Variants in SHF observed in about 807,000 individuals in gnomAD.
SHF encodes Src homology 2 domain containing F.
A neutral mutation model predicts 42.4 loss-of-function variants in SHF; 30 were observed. That is an observed-to-expected ratio of 0.71 (90% confidence interval 0.53 to 0.96). The LOEUF is 0.96. Ranked by LOEUF, SHF falls within the 40% of genes least tolerant of loss-of-function variation. SHF has a pLI of 0.00. For synonymous variants in SHF, 264 were observed against 269.9 expected, an observed-to-expected ratio of 0.98 and a Z score of 0.21; for missense variants, 598 against 634.0, an observed-to-expected ratio of 0.94 and a Z score of 0.61.
At chr15:45,198,199 G>A (rs1220725840) in intron 2 of SHF, among the ~76,000 whole-genome samples, 1 of 152,042 alleles carries the variant, frequency 6.6e-6, no homozygotes, top group African/African-American at 2.4e-5. Flanking sequence ...GCTTGAACCC[G>A]GGAGGCGGAG....
At chr15:45,199,292 C>T (rs569877109) in intron 1 of SHF, among the ~76,000 whole-genome samples, 4 of 152,302 alleles carry the variant, frequency 2.6e-5, no homozygotes, top group African/African-American at 4.8e-5. Context: ...GTCACGGGGC[C>T]GCAGCAGGGA....
chr15:45,200,619 G>T (rs1567044384), intron 1 of SHF: 1 of 415,774 alleles, frequency 2.4e-6, no homozygotes, highest in East Asian at 7.1e-5. Flanking sequence ...CTGAGGGCAC[G>T]CAAGAGCATT....
At chr15:45,189,123 G>A (rs138824011), upstream of SHF, among the ~76,000 whole-genome samples, 3,063 of 150,766 alleles carry the variant, frequency 0.02, 136 homozygotes, top group African/African-American at 0.073. Flanking sequence ...AACCCAGGAG[G>A]CAGAGGTTGC....
chr15:45,171,836 C>T, intron 6 of SHF, 47 bp downstream of exon 6: 1 of 1,592,152 alleles, frequency 6.3e-7, no homozygotes, highest in South Asian at 1.1e-5. Flanking sequence ...CTGGAGTCCC[C>T]TTCCACCCTG....
At chr15:45,176,829 C>CCA (rs1897836560) in intron 2 of SHF, among the ~76,000 whole-genome samples, 1 of 152,216 alleles carries the variant, frequency 6.6e-6, no homozygotes, top group African/African-American at 2.4e-5. Flanking sequence ...TTCCTGGGTT[C>CCA]CACACCCTCT....
chr15:45,182,677 C>A (rs1898190851), intron 1 of SHF, among the ~76,000 whole-genome samples: 1 of 152,166 alleles, frequency 6.6e-6, no homozygotes, highest in South Asian at 2.1e-4. Flanking sequence ...CTAAGGAGTC[C>A]TGCAGCAAAG....
chr15:45,200,081 C>T (rs1289725610), intron 1 of SHF: 1 of 151,726 alleles, frequency 6.6e-6, no homozygotes, highest in African/African-American at 2.4e-5. Flanking sequence ...CCTTTAAGAG[C>T]TACCTTGATC....
Position 45,172,000 on chromosome 15 carries a change from C to A in SHF, c.1163G>T (p.Trp388Leu). Residue 388 changes from tryptophan (W) to leucine (L), a missense_variant and splice_region_variant, in exon 6 of 7, where the codon TGG becomes TTG. Trp to Leu is a moderately conservative substitution (Grantham distance 61, BLOSUM62 -2). Transcript: ENST00000690270. ...GGTTCGGCTGATGGCCCCGTGATACCAGCTAAGGATGAGAGAGAGGAAGGG... is the reference window on the plus strand; with the variant it reads ...GGTTCGGCTGATGGCCCCGTGATACAAGCTAAGGATGAGAGAGAGGAAGGG... Reference protein sequence around the residue: ...DPALPLENQVWYHGAISRTDA... With the variant: ...DPALPLENQVLYHGAISRTDA... 1 of 1,613,924 alleles carries A rather than the reference C, an allele frequency of 6.2e-7. No homozygotes were observed. The highest frequency in any genetic ancestry group is 1.1e-5 in the South Asian group (1 of 91,074).
chr15:45,191,916 CCT>C (rs973511174), upstream of SHF, among the ~76,000 whole-genome samples: 8 of 150,376 alleles, frequency 5.3e-5, no homozygotes, highest in African/African-American at 2.0e-4. Flanking sequence ...CGGTGGAAAC[CCT>C]GTCTCTATTT....
At chr15:45,179,602 G>C (rs1898016616) in intron 1 of SHF, among the ~76,000 whole-genome samples, 1 of 152,232 alleles carries the variant, frequency 6.6e-6, no homozygotes, top group Non-Finnish European at 1.5e-5. Flanking sequence ...GAGGACAATA[G>C]AACCTTTCTC....
In SHF at chr15:45,187,715, AGGGGGGCGGTAGTCGGGCTC is replaced by A; in HGVS notation, c.217_236del (p.Glu73CysfsTer75). 2.9e-6 allele frequency: 3 copies of A among 1,050,994 alleles called. No homozygotes were observed. The highest frequency in any genetic ancestry group is 3.6e-6 in the Non-Finnish European group (3 of 839,396). The allele number at this position is 1,050,994 out of a possible 1,614,324, so 65.1% of individuals were successfully genotyped here. On this transcript the variant is annotated frameshift_variant, in exon 1 of 7. Transcript: ENST00000690270. LOFTEE classifies it high-confidence loss of function. ...CGGGGGGCGCGGCCGGAGAGGGCGC[AGGGGGGCGGTAGTCGGGCTC>A]GGGGGGCGCCGGCTTGCTGCCCCCT...
intron 1 of SHF, among the ~76,000 whole-genome samples, chr15:45,180,649 C>G: frequency 6.6e-6 from 1 of 152,300 alleles, no homozygotes; most frequent in South Asian, 2.1e-4. Flanking sequence ...GATCACTTTC[C>G]CCTTCCTCCT....
chr15:45,173,491 C>T, intron 4 of SHF, 85 bp downstream of exon 4: 5 of 1,423,738 alleles, frequency 3.5e-6, no homozygotes, highest in Non-Finnish European at 4.6e-6. Context: ...AAATCCTGCC[C>T]CACCTCTCAG....
chr15:45,193,903 A>G (rs1449138367), intron 2 of SHF, among the ~76,000 whole-genome samples: 1 of 151,640 alleles, frequency 6.6e-6, no homozygotes. Context: ...ATTAGAGACC[A>G]GCCTAGGTAA....
intron 1 of SHF, among the ~76,000 whole-genome samples, chr15:45,186,673 CA>C (rs1898423685): frequency 6.6e-6 from 1 of 152,258 alleles, no homozygotes; most frequent in South Asian, 2.1e-4. Context: ...CAGAATGGAC[CA>C]GGGGGAGAGG....
At chr15:45,200,770 T>A (rs1464774803) in exon 1 of SHF, 1 of 456,222 alleles carries the variant, frequency 2.2e-6, no homozygotes. Flanking sequence ...CAGAACTGAT[T>A]TTCCTTCTTG....
upstream of SHF, among the ~76,000 whole-genome samples, chr15:45,190,284 C>T (rs1042398202): frequency 2.6e-5 from 4 of 152,096 alleles, no homozygotes; most frequent in African/African-American, 7.2e-5. Context: ...TGGTGCAAAA[C>T]GAAGCTGGAC....
At chr15:45,187,427 G>A (rs527574002) in intron 1 of SHF, 27 bp downstream of exon 1, 3 of 1,231,842 alleles carry the variant, frequency 2.4e-6, no homozygotes, top group Non-Finnish European at 3.0e-6. Context: ...TTCCCTCCTG[G>A]CCATCCCGGC....
chr15:45,186,053 G>A (rs1050563779), intron 1 of SHF, among the ~76,000 whole-genome samples: 1 of 152,220 alleles, frequency 6.6e-6, no homozygotes, highest in African/African-American at 2.4e-5. Flanking sequence ...GGTTAGAGAG[G>A]AGGAGACTGA....
Sources: gnomAD v4.1 joint callset for allele counts (sites outside exome capture counted in the v4.1 genomes callset) on GRCh38, gnomAD v4.1.1 for gene constraint, MANE v1.5 for transcripts, NCBI Gene and HGNC (gene_info 2026-07-23, HGNC 2026-07-21) for gene names.